Variants in DCC observed in about 807,000 individuals in gnomAD.
DCC encodes DCC netrin 1 receptor.
In DCC, 58 loss-of-function variants were observed where a neutral mutation model predicts 172.5. The ratio of observed to expected loss-of-function variants is 0.34; its 90% CI spans 0.27 to 0.42. The LOEUF (loss-of-function observed/expected upper bound fraction) is 0.42, where lower values mean the gene tolerates loss of function less well. Among genes scored for constraint, DCC ranks in the 10% least tolerant of loss-of-function variants. DCC has a pLI of 1.00. For synonymous variants in DCC, 709 were observed against 644.5 expected (o/e 1.10, Z -1.52); for missense variants, 1,740 against 1,791.0 (o/e 0.97, Z 0.51).
chr18:52,555,074 G>A (rs1183332402), intron 1 of DCC, among the ~76,000 whole-genome samples: 2 of 152,044 alleles, frequency 1.3e-5, no homozygotes, highest in Non-Finnish European at 2.9e-5. Flanking sequence ...ATTGTACCAG[G>A]TAAAAACTTT....
chr18:53,311,018 A>ACACACACG (rs71175578), intron 13 of DCC, among the ~76,000 whole-genome samples: 11 of 151,968 alleles, frequency 7.2e-5, no homozygotes, highest in African/African-American at 2.4e-4. Context: ...ACACACACAC[A>ACACACACG]TTGAGATTGA....
chr18:53,238,230 T>C (rs1037565755), intron 12 of DCC, among the ~76,000 whole-genome samples: 2 of 152,192 alleles, frequency 1.3e-5, no homozygotes, highest in African/African-American at 4.8e-5. Flanking sequence ...ATAGATATTC[T>C]AATTTATTAT....
chr18:52,876,347 G>A (rs1212608976), intron 2 of DCC, among the ~76,000 whole-genome samples: 2 of 151,974 alleles, frequency 1.3e-5, no homozygotes, highest in Admixed American at 6.6e-5. Context: ...GCCATTTAGA[G>A]TTGTATTATT....
intron 27 of DCC, among the ~76,000 whole-genome samples, chr18:53,523,700 T>C (rs1458816018): frequency 2.6e-5 from 4 of 151,246 alleles, no homozygotes; most frequent in Non-Finnish European, 5.9e-5. Context: ...TAAGTGGGAG[T>C]TGAACAATGA....
chr18:52,370,916 A>T (rs1248666510), intron 1 of DCC, among the ~76,000 whole-genome samples: 1 of 152,324 alleles, frequency 6.6e-6, no homozygotes, highest in South Asian at 2.1e-4. Flanking sequence ...TACACCAAAT[A>T]ACTATTTGGA....
intron 1 of DCC, among the ~76,000 whole-genome samples, chr18:52,692,190 A>G (rs1341620298): frequency 6.6e-6 from 1 of 152,174 alleles, no homozygotes; most frequent in African/African-American, 2.4e-5. Flanking sequence ...AAAAACAGTA[A>G]TGATATTCTT....
rs137913083 is a variant in DCC, at chr18:53,089,001, A to G, written c.1261+22835A>G. On this transcript the variant is annotated intron_variant, in intron 7 of 28. Transcript: ENST00000442544. Reference sequence around the variant, plus strand: ...TTGTGTATTACTTAAAATAAATATGACCAGACATTCTTCATGGTAATGTGA... The same window carrying G: ...TTGTGTATTACTTAAAATAAATATGGCCAGACATTCTTCATGGTAATGTGA... Among the ~76,000 whole-genome samples the G allele has an allele frequency of 3.4e-3, 513 of 152,306 alleles. 2 individuals carry two copies. The highest frequency in any genetic ancestry group is 3.9e-3 in the Non-Finnish European group (267 of 68,024).
intron 1 of DCC, among the ~76,000 whole-genome samples, chr18:52,502,680 A>C (rs1193994654): frequency 6.6e-6 from 1 of 151,822 alleles, no homozygotes; most frequent in African/African-American, 2.4e-5. Flanking sequence ...GGAAGCTGAC[A>C]AATACTTACT....
intron 5 of DCC, among the ~76,000 whole-genome samples, chr18:53,016,428 A>C (rs2143900555): frequency 6.6e-6 from 1 of 152,146 alleles, no homozygotes; most frequent in East Asian, 2.0e-4. Context: ...GCATTTGCAA[A>C]TTTTTGCCTT....
At chr18:52,891,609 A>AT (rs1054754911) in intron 2 of DCC, among the ~76,000 whole-genome samples, 30 of 151,976 alleles carry the variant, frequency 2.0e-4, no homozygotes, top group Admixed American at 1.6e-3. Flanking sequence ...CATGTATTAT[A>AT]TTTTTTGCTA....
At position 53,512,033 on chromosome 18, in the gene DCC, C is replaced by T. The variant is rs548572169; in HGVS notation, c.4111+12523C>T. Among the ~76,000 whole-genome samples the T allele has an allele frequency of 8.9e-4, 136 of 152,282 alleles. 1 individual carries two copies. Among genetic ancestry groups the T allele is most frequent in the Middle Eastern group, 6.8e-3 (2 of 294 alleles). On this transcript the variant is annotated intron_variant, in intron 27 of 28. Transcript: ENST00000442544. ...GGGCAGGGCACAGACAAAAAGACAG[C>T]AGTAACCTCTGCAGACTTAAATGTC...
intron 12 of DCC, among the ~76,000 whole-genome samples, chr18:53,267,243 G>C (rs560563847): frequency 6.6e-6 from 1 of 152,122 alleles, no homozygotes; most frequent in Admixed American, 6.5e-5. Context: ...CTGGAGTGCA[G>C]TGGTACAATC....
chr18:52,585,715 A>G (rs1431386392), intron 1 of DCC, among the ~76,000 whole-genome samples: 3 of 152,202 alleles, frequency 2.0e-5, no homozygotes, highest in East Asian at 1.9e-4. Context: ...TATGAAAGCA[A>G]ACCTAATCAT....
At chr18:52,366,813 A>G (rs1041187256) in intron 1 of DCC, among the ~76,000 whole-genome samples, 1 of 152,320 alleles carries the variant, frequency 6.6e-6, no homozygotes, top group East Asian at 1.9e-4. Flanking sequence ...CCACCTCCCC[A>G]CCAGACTCAG....
intron 1 of DCC, among the ~76,000 whole-genome samples, chr18:52,425,936 T>C (rs1289107413): frequency 1.3e-5 from 2 of 152,120 alleles, no homozygotes; most frequent in African/African-American, 4.8e-5. Flanking sequence ...ATATTCTCTG[T>C]CATCTTTGTG....
chr18:53,086,380 TTTCTTCTTCTTCTTCTTCTTCCTTTC>T (rs1568295080), intron 7 of DCC, among the ~76,000 whole-genome samples: 10 of 33,238 alleles, frequency 3.0e-4, no homozygotes, highest in South Asian at 6.0e-4. Context: ...TTCTTCTTCC[TTTCTTCTTCTTCTTCTTCTTCCTTTC>T]TTCTTCTTCT....
chr18:53,136,559 T>C (rs2043746077), intron 7 of DCC, among the ~76,000 whole-genome samples: 1 of 152,160 alleles, frequency 6.6e-6, no homozygotes, highest in African/African-American at 2.4e-5. Context: ...TTCTAGGAGA[T>C]GACAACTGAA....
intron 1 of DCC, among the ~76,000 whole-genome samples, chr18:52,349,543 G>C (rs1361859379): frequency 6.6e-6 from 1 of 152,196 alleles, no homozygotes; most frequent in African/African-American, 2.4e-5. Context: ...GGCATCTCCA[G>C]GGATGGTTTG....
chr18:53,423,646 C>T (rs1347067487), intron 21 of DCC, among the ~76,000 whole-genome samples: 2 of 152,110 alleles, frequency 1.3e-5, no homozygotes, highest in African/African-American at 4.8e-5. Flanking sequence ...CCTTTCTTGT[C>T]TTTTATTCAC....
Sources: allele counts gnomAD v4.1 joint callset (sites outside exome capture counted in the v4.1 genomes callset), GRCh38; gene constraint gnomAD v4.1.1; transcripts MANE v1.5; gene names NCBI Gene and HGNC (gene_info 2026-07-23, HGNC 2026-07-21).